Variants in OAS2 observed in about 807,000 individuals in gnomAD.
The protein encoded by OAS2 is 2'-5'-oligoadenylate synthetase 2.
Under a neutral mutation model 71.3 loss-of-function variants are expected in OAS2, and 67 were observed. That is an observed-to-expected ratio of 0.94 (90% CI 0.77 to 1.15). The LOEUF (loss-of-function observed/expected upper bound fraction) is 1.15. Among genes scored for constraint, OAS2 ranks in the 50% most tolerant of loss-of-function variants. The pLI is 0.00. For missense variants in OAS2, 789 were observed against 822.5 expected (o/e 0.96, Z 0.50); for synonymous variants, 327 against 321.8 (o/e 1.02, Z -0.17).
At chr12:112,986,207 C>T (rs966968820) in intron 1 of OAS2, among the ~76,000 whole-genome samples, 13 of 152,184 alleles carry the variant, frequency 8.5e-5, no homozygotes, top group Admixed American at 7.9e-4. Context: ...GGTTGGTCTT[C>T]AAGCACCAGT....
chr12:112,991,740 T>C (rs2044194487), intron 2 of OAS2, among the ~76,000 whole-genome samples: 1 of 152,218 alleles, frequency 6.6e-6, no homozygotes, highest in Non-Finnish European at 1.5e-5. Context: ...GCTTGACTTT[T>C]CCCTTTAACC....
intron 1 of OAS2, among the ~76,000 whole-genome samples, chr12:112,979,789 G>C (rs746312512): frequency 6.6e-6 from 1 of 152,098 alleles, no homozygotes; most frequent in Admixed American, 6.5e-5. Context: ...TCCAAACCCA[G>C]GTAGGCAATC....
Position 112,987,117 on chromosome 12 carries a change from A to C in OAS2, c.257A>C (p.Gln86Pro). Residue 86 changes from glutamine (Q) to proline (P), a missense_variant, in exon 2 of 10, where the codon CAA becomes CCA. Gln to Pro is a moderately conservative substitution (Grantham distance 76). Coordinates refer to ENST00000392583, the MANE Select transcript of OAS2 (RefSeq NM_002535.3). ...GTCCTCTTCTTCAGTGACTTAAAAC[A>C]ATTCCAGGATCAGAAGAGAAGCCAA... Reference protein sequence around the residue: ...TLVLFFSDLKQFQDQKRSQRD... With the variant: ...TLVLFFSDLKPFQDQKRSQRD... 6.2e-7 allele frequency: 1 copy of C among 1,614,188 alleles called. No homozygotes were observed. The highest frequency in any genetic ancestry group is 1.1e-5 in the South Asian group (1 of 91,084).
chr12:112,980,505 C>A (rs1193353845), intron 1 of OAS2, among the ~76,000 whole-genome samples: 2 of 152,134 alleles, frequency 1.3e-5, no homozygotes, highest in African/African-American at 4.8e-5. Context: ...TCTTTCTATG[C>A]CTGACTTATT....
At chr12:113,006,266 C>A (rs2044334125) in intron 7 of OAS2, 147 bp from the exon 8 acceptor site, 4 of 581,632 alleles carry the variant, frequency 6.9e-6, no homozygotes, top group Non-Finnish European at 1.1e-5. Context: ...TGGAGATGCT[C>A]CCTGTGTCTT....
intron 1 of OAS2, among the ~76,000 whole-genome samples, chr12:112,986,296 G>T (rs2044134515): frequency 6.6e-6 from 1 of 152,210 alleles, no homozygotes; most frequent in Non-Finnish European, 1.5e-5. Flanking sequence ...GTGTGTCCAG[G>T]TGGGCAGGGT....
In OAS2 at chr12:113,009,195, C is replaced by A; in HGVS notation, c.2004C>A (p.Cys668Ter). The A allele has an allele frequency of 6.2e-7, 1 of 1,614,132 alleles. No individual in the cohort carries two copies. The highest frequency in any genetic ancestry group is 8.5e-7 in the Non-Finnish European group (1 of 1,180,008). ...KEAKEWLSSPCFKDGTGNPIP... is the reference protein window; with the variant it reads ...KEAKEWLSSP ...CAAAGGAATGGTTATCCTCTCCCTG[C>A]TTCAAGGATGGGACTGGAAACCCAA... Residue 668 changes from cysteine to a stop codon, truncating the protein, a stop_gained, in exon 10 of 10, where the codon TGC (cysteine) becomes TGA (stop). Transcript: ENST00000392583. LOFTEE classifies it low-confidence loss of function (END_TRUNC).
chr12:113,010,264 C>A lies in OAS2; in HGVS notation c.*1009C>A. The A allele has an allele frequency of 1.4e-6, 2 of 1,480,364 alleles. No individual in the cohort carries two copies. The highest frequency in any genetic ancestry group is 1.8e-6 in the Non-Finnish European group (2 of 1,122,162). 91.7% of individuals were successfully genotyped at this position (1,480,364 alleles called of 1,614,324 possible). A position where few individuals can be genotyped will look rare whatever the true frequency, so the allele number is the denominator to read the frequency against. On this transcript the variant is annotated 3_prime_UTR_variant, in exon 10 of 10. Coordinates refer to ENST00000392583, the MANE Select transcript of OAS2 (RefSeq NM_002535.3). ...ATAAATACCAAAAAATTGTCTCTGG[C>A]AATAGTTACCTTCCCAGATACAGGT...
intron 9 of OAS2, among the ~76,000 whole-genome samples, chr12:113,008,266 G>T (rs1002551873): frequency 1.3e-5 from 2 of 152,210 alleles, no homozygotes; most frequent in Non-Finnish European, 2.9e-5. Flanking sequence ...TTTTTATTGG[G>T]TTAGGGTTTA....
At chr12:112,996,940 C>T (rs911160984) in intron 3 of OAS2, among the ~76,000 whole-genome samples, 2 of 152,156 alleles carry the variant, frequency 1.3e-5, no homozygotes, top group Non-Finnish European at 2.9e-5. Context: ...GAACAAAGAA[C>T]GAGGTCAGGG....
At chr12:112,989,873 G>T (rs1325197527) in intron 2 of OAS2, among the ~76,000 whole-genome samples, 1 of 152,112 alleles carries the variant, frequency 6.6e-6, no homozygotes, top group African/African-American at 2.4e-5. Flanking sequence ...TGTATCTCCA[G>T]CTCCCCCACC....
chr12:112,980,876 G>A (rs919210521), intron 1 of OAS2, among the ~76,000 whole-genome samples: 7 of 151,904 alleles, frequency 4.6e-5, no homozygotes, highest in African/African-American at 1.5e-4. Flanking sequence ...CCTTGCTAGC[G>A]TTTATTTTTT....
intron 1 of OAS2, among the ~76,000 whole-genome samples, chr12:112,980,503 T>C (rs529656133): frequency 5.3e-5 from 8 of 152,362 alleles, no homozygotes; most frequent in African/African-American, 1.7e-4. Flanking sequence ...TGTCTTTCTA[T>C]GCCTGACTTA....
chr12:113,003,912 T>C (rs527257929), intron 6 of OAS2, among the ~76,000 whole-genome samples: 5 of 152,332 alleles, frequency 3.3e-5, no homozygotes, highest in African/African-American at 1.2e-4. Flanking sequence ...ACTGTCTCAT[T>C]GAAGGTCACT....
chr12:112,984,118 A>T (rs2044109023), intron 1 of OAS2, among the ~76,000 whole-genome samples: 1 of 152,188 alleles, frequency 6.6e-6, no homozygotes, highest in Non-Finnish European at 1.5e-5. Flanking sequence ...CAAAAGTGAG[A>T]TGAAGTTCCC....
At chr12:112,983,055 G>A (rs554704882) in intron 1 of OAS2, among the ~76,000 whole-genome samples, 2 of 152,010 alleles carry the variant, frequency 1.3e-5, no homozygotes, top group South Asian at 4.1e-4. Context: ...TTTTACTTGG[G>A]TCTTCTCTTT....
chr12:112,997,994 C>G (rs2044251042), intron 4 of OAS2, among the ~76,000 whole-genome samples: 1 of 152,118 alleles, frequency 6.6e-6, no homozygotes, highest in South Asian at 2.1e-4. Flanking sequence ...AGACACTTCC[C>G]CTTATAGAAG....
At chr12:113,006,022 GATC>G (rs917887003) in intron 7 of OAS2, among the ~76,000 whole-genome samples, 2 of 149,340 alleles carry the variant, frequency 1.3e-5, no homozygotes, top group Non-Finnish European at 3.0e-5. Flanking sequence ...TCGTCCCAGA[GATC>G]TTTCTGTGAT....
At position 113,003,118 on chromosome 12, in the gene OAS2, T is replaced by A; in HGVS notation, c.1179+16T>A. ...GATTGTCCGGGTGAGCACTGGCCTT[T>A]CTCATGTCTTGTTGGAATGATGTAA... On this transcript the variant is annotated intron_variant, in intron 6 of 9. Transcript: ENST00000392583. 2.5e-6 allele frequency: 4 copies of A among 1,612,914 alleles called. No individual in the cohort carries two copies. The highest frequency in any genetic ancestry group is 3.4e-6 in the Non-Finnish European group (4 of 1,179,142).
Sources: gnomAD v4.1 joint callset for allele counts (sites outside exome capture counted in the v4.1 genomes callset) on GRCh38, gnomAD v4.1.1 for gene constraint, MANE v1.5 for transcripts, NCBI Gene and HGNC (gene_info 2026-07-23, HGNC 2026-07-21) for gene names.